Variants in TRAPPC9 observed in about 807,000 individuals in gnomAD.
The protein encoded by TRAPPC9 is IKK2 binding protein.
In TRAPPC9, 83 loss-of-function variants were observed where a neutral mutation model predicts 124.0. The observed-to-expected ratio is 0.67, with a 90% CI of 0.56 to 0.80. TRAPPC9 has a LOEUF of 0.80. Among genes scored for constraint, TRAPPC9 ranks in the 30% least tolerant of loss-of-function variants. The probability of loss-of-function intolerance (pLI) is 0.00; values close to 1 mark genes in which losing one functional copy is unlikely to be tolerated. For missense variants in TRAPPC9, 1,302 were observed against 1,508.3 expected, an observed-to-expected ratio of 0.86 and a Z score of 2.27; for synonymous variants, 638 against 617.5, an observed-to-expected ratio of 1.03 and a Z score of -0.49.
chr8:140,255,517 C>T (rs2064231521), intron 15 of TRAPPC9, among the ~76,000 whole-genome samples: 1 of 152,202 alleles, frequency 6.6e-6, no homozygotes, highest in Admixed American at 6.5e-5. Flanking sequence ...ATGATGGAAT[C>T]GTTGAGCAGG....
At chr8:140,445,503 T>G (rs2071212884) in intron 2 of TRAPPC9, among the ~76,000 whole-genome samples, 1 of 152,094 alleles carries the variant, frequency 6.6e-6, no homozygotes, top group African/African-American at 2.4e-5. Flanking sequence ...GGTTGTGAAC[T>G]CCGAGACTCG....
intron 17 of TRAPPC9, among the ~76,000 whole-genome samples, chr8:140,034,538 T>G (rs186566725): frequency 7.9e-5 from 12 of 152,330 alleles, no homozygotes; most frequent in East Asian, 1.9e-4. Flanking sequence ...TTCAACAGAA[T>G]AAAAGCTCAC....
chr8:139,997,591 G>A (rs1470370658), intron 18 of TRAPPC9, among the ~76,000 whole-genome samples: 5 of 142,240 alleles, frequency 3.5e-5, no homozygotes, highest in Non-Finnish European at 7.7e-5. Flanking sequence ...CTACCCAGGG[G>A]AGACAATGCA....
chr8:140,276,718 G>C (rs1372432421), intron 14 of TRAPPC9, among the ~76,000 whole-genome samples: 2 of 152,068 alleles, frequency 1.3e-5, no homozygotes, highest in African/African-American at 4.8e-5. Context: ...ATGACAAATA[G>C]AGGCATGTGA....
chr8:140,273,873 C>T (rs4236872), intron 15 of TRAPPC9, among the ~76,000 whole-genome samples: 152,251 of 152,312 alleles, frequency 1, 76,095 homozygotes, highest in Middle Eastern at 1. Flanking sequence ...TGTTTCTTCA[C>T]ACTTTGTTGT....
At chr8:140,002,278 A>T (rs1838454218) in intron 18 of TRAPPC9, among the ~76,000 whole-genome samples, 1 of 152,122 alleles carries the variant, frequency 6.6e-6, no homozygotes, top group Non-Finnish European at 1.5e-5. Context: ...AATCTTTAAA[A>T]AATATGGACG....
intron 2 of TRAPPC9, among the ~76,000 whole-genome samples, chr8:140,443,190 C>T (rs1313787176): frequency 1.4e-5 from 2 of 139,110 alleles, no homozygotes; most frequent in Admixed American, 7.4e-5. Flanking sequence ...AATCCCAGCA[C>T]TTTGGGAGGC....
At chr8:140,415,785 A>G (rs1234106594) in intron 5 of TRAPPC9, among the ~76,000 whole-genome samples, 1 of 152,106 alleles carries the variant, frequency 6.6e-6, no homozygotes, top group Non-Finnish European at 1.5e-5. Flanking sequence ...GCTTGGTAAC[A>G]TAGAGAGACC....
At chr8:140,429,239 G>A (rs553236376) in intron 4 of TRAPPC9, among the ~76,000 whole-genome samples, 10 of 152,108 alleles carry the variant, frequency 6.6e-5, no homozygotes, top group Admixed American at 2.6e-4. Context: ...GCACCACCAC[G>A]TCCAGCTAAT....
chr8:140,250,806 A>G (rs1482563953), intron 16 of TRAPPC9, among the ~76,000 whole-genome samples: 5 of 152,200 alleles, frequency 3.3e-5, no homozygotes, highest in African/African-American at 1.2e-4. Flanking sequence ...AGTAACCACT[A>G]CGTGCCATGA....
chr8:140,404,269 CAAG>C (rs1229814094), intron 6 of TRAPPC9, among the ~76,000 whole-genome samples: 1 of 151,922 alleles, frequency 6.6e-6, no homozygotes, highest in Non-Finnish European at 1.5e-5. Flanking sequence ...TACAAGAACA[CAAG>C]AATATAGGGG....
intron 17 of TRAPPC9, among the ~76,000 whole-genome samples, chr8:140,106,035 TAAAAAAAAAA>T (rs200155377): frequency 1.0e-5 from 1 of 96,600 alleles, no homozygotes; most frequent in African/African-American, 3.8e-5. Context: ...AATGATGAAC[TAAAAAAAAAA>T]AAAAAAAGTC....
chr8:139,939,310 G>A (rs191161230), intron 19 of TRAPPC9, among the ~76,000 whole-genome samples: 6 of 152,316 alleles, frequency 3.9e-5, no homozygotes, highest in African/African-American at 1.2e-4. Flanking sequence ...AGGGCCCTGA[G>A]GTGAGTGGAC....
intron 9 of TRAPPC9, among the ~76,000 whole-genome samples, chr8:140,318,606 T>A (rs1315692867): frequency 6.6e-6 from 1 of 152,254 alleles, no homozygotes; most frequent in African/African-American, 2.4e-5. Flanking sequence ...GAATCCCACA[T>A]ATAAGTGAGA....
chr8:140,221,044 C>G (rs941390244), intron 17 of TRAPPC9, among the ~76,000 whole-genome samples: 3 of 152,178 alleles, frequency 2.0e-5, no homozygotes, highest in Non-Finnish European at 2.9e-5. Flanking sequence ...CACTTGCTAC[C>G]GGCATATCTG....
intron 13 of TRAPPC9, 95 bp downstream of exon 13, chr8:140,287,513 C>A (rs2065522193): frequency 2.0e-6 from 3 of 1,511,328 alleles, no homozygotes; most frequent in Non-Finnish European, 1.8e-6. Context: ...CTGGTTAGGA[C>A]TGGCATGACG....
chr8:140,316,852 G>C (rs1346019027), intron 9 of TRAPPC9, among the ~76,000 whole-genome samples: 1 of 152,074 alleles, frequency 6.6e-6, no homozygotes, highest in Non-Finnish European at 1.5e-5. Flanking sequence ...TCAGGTCCCG[G>C]GCTTTTCTTT....
chr8:139,756,695 G>A (rs1313829996), intron 21 of TRAPPC9, among the ~76,000 whole-genome samples: 2 of 134,686 alleles, frequency 1.5e-5, no homozygotes, highest in Non-Finnish European at 1.6e-5. Flanking sequence ...GTCGCAGGAG[G>A]AGCCAGGCTT....
intron 19 of TRAPPC9, among the ~76,000 whole-genome samples, chr8:139,930,671 G>A (rs1004582914): frequency 6.6e-6 from 1 of 152,160 alleles, no homozygotes; most frequent in African/African-American, 2.4e-5. Flanking sequence ...ATGGAGGAGG[G>A]AACTTATTTT....
Sources: allele counts gnomAD v4.1 joint callset (sites outside exome capture counted in the v4.1 genomes callset), GRCh38; gene constraint gnomAD v4.1.1; transcripts MANE v1.5; gene names NCBI Gene and HGNC (gene_info 2026-07-23, HGNC 2026-07-21).